The following PPP4R4 variants were observed in gnomAD, a reference collection of about 807,000 sequenced individuals.
PPP4R4 encodes protein phosphatase 4 regulatory subunit 4, also known as serine/threonine-protein phosphatase 4 regulatory subunit 4.
A neutral mutation model predicts 121.8 loss-of-function variants in PPP4R4; 70 were observed. That is an observed-to-expected ratio of 0.57 (90% CI 0.47 to 0.70). The LOEUF (loss-of-function observed/expected upper bound fraction) is 0.70, where lower values mean the gene tolerates loss of function less well. PPP4R4 is among the 30% of genes least tolerant of loss of function. The pLI, the probability that PPP4R4 is intolerant of heterozygous loss-of-function variation, is 0.00. For missense variants in PPP4R4, 875 were observed against 1,033.6 expected, an observed-to-expected ratio of 0.85 and a Z score of 2.10; for synonymous variants, 348 against 355.7, an observed-to-expected ratio of 0.98 and a Z score of 0.24.
At chr14:94,175,997 G>T in intron 1 of PPP4R4, 57 bp from the exon 2 acceptor site, 2 of 1,374,018 alleles carry the variant, frequency 1.5e-6, no homozygotes, top group South Asian at 1.2e-5. Flanking sequence ...TGGGAGGTTG[G>T]GGGGCAAGAC....
At chr14:94,202,990 A>AG (rs1890272328) in intron 2 of PPP4R4, among the ~76,000 whole-genome samples, 1 of 151,990 alleles carries the variant, frequency 6.6e-6, no homozygotes, top group Non-Finnish European at 1.5e-5. Flanking sequence ...TCAAAAAAAA[A>AG]AAAAATCTTT....
chr14:94,205,065 T>G (rs1307082214), intron 2 of PPP4R4, among the ~76,000 whole-genome samples: 7 of 152,226 alleles, frequency 4.6e-5, no homozygotes, highest in Admixed American at 1.3e-4. Context: ...CAGTTTTTCT[T>G]CATGAAGTGA....
intron 2 of PPP4R4, among the ~76,000 whole-genome samples, chr14:94,184,930 G>C (rs564600022): frequency 2.0e-5 from 3 of 152,098 alleles, no homozygotes; most frequent in Non-Finnish European, 4.4e-5. Context: ...ATATATCTGA[G>C]TACTTATGTG....
intron 23 of PPP4R4, among the ~76,000 whole-genome samples, chr14:94,274,180 TA>T (rs1894507811): frequency 6.6e-6 from 1 of 152,150 alleles, no homozygotes; most frequent in African/African-American, 2.4e-5. Context: ...ATTATAAACC[TA>T]AGCATAAAAG....
intron 3 of PPP4R4, chr14:94,227,640 G>T (rs1005710060): frequency 1.7e-6 from 2 of 1,152,802 alleles, no homozygotes; most frequent in Admixed American, 4.6e-5. Context: ...TATGAAGTTG[G>T]AGAGCTTCTC....
rs552422220 is a variant in PPP4R4 at position 94,217,615 on chromosome 14, TA to T, written c.294+9058del. On this transcript the variant is annotated intron_variant, in intron 3 of 24. Transcript: ENST00000304338. ...TTTAAAGTAACTGTGATTTATATGG[TA>T]AAAAAAAATCCACTGAAAAAACAAC... is the stretch of plus-strand genomic sequence containing the variant. Among the ~76,000 whole-genome samples, 652 of 151,536 alleles carry T rather than the reference TA, an allele frequency of 4.3e-3. 6 individuals carry two copies. The highest frequency in any genetic ancestry group is 0.013 in the African/African-American group (531 of 41,292).
At chr14:94,215,803 T>C (rs1287943249) in intron 3 of PPP4R4, among the ~76,000 whole-genome samples, 1 of 152,198 alleles carries the variant, frequency 6.6e-6, no homozygotes, top group East Asian at 1.9e-4. Flanking sequence ...GAATAATGTC[T>C]TTTATGCTTT....
chr14:94,243,063 CAGTG>C (rs1442543524), intron 11 of PPP4R4, among the ~76,000 whole-genome samples: 1 of 152,088 alleles, frequency 6.6e-6, no homozygotes, highest in African/African-American at 2.4e-5. Flanking sequence ...TTCTTATTCT[CAGTG>C]AGAATATTTC....
chr14:94,174,352 C>T lies in PPP4R4; in HGVS notation c.-114C>T. On this transcript the variant is annotated 5_prime_UTR_variant, in exon 1 of 25. Coordinates refer to ENST00000304338, the MANE Select transcript of PPP4R4 (RefSeq NM_058237.2). ...TCCCGCCGCCTGGCAGCCTCACGCTCGGCTCCAGCGGCCAAGAGCCGGAGA... is the reference window on the plus strand; with the variant it reads ...TCCCGCCGCCTGGCAGCCTCACGCTTGGCTCCAGCGGCCAAGAGCCGGAGA... 2 of 977,636 alleles carry T rather than the reference C, an allele frequency of 2.0e-6. 1 individual carries two copies. The allele number at this position is 977,636 out of a possible 1,614,324, so 60.6% of individuals were successfully genotyped here.
intron 24 of PPP4R4, among the ~76,000 whole-genome samples, chr14:94,276,619 C>T (rs1894655160): frequency 7.0e-6 from 1 of 142,970 alleles, no homozygotes; most frequent in African/African-American, 2.8e-5. Flanking sequence ...CTCACTGTCA[C>T]AAAGAAAACA....
intron 19 of PPP4R4, among the ~76,000 whole-genome samples, chr14:94,260,760 C>G (rs1054199878): frequency 6.6e-6 from 1 of 151,972 alleles, no homozygotes; most frequent in Non-Finnish European, 1.5e-5. Flanking sequence ...TTCTTGGAGT[C>G]TGAGGCTTAT....
At chr14:94,175,743 A>T (rs1888645130) in intron 1 of PPP4R4, 2 of 394,174 alleles carry the variant, frequency 5.1e-6, no homozygotes, top group Non-Finnish European at 9.4e-6. Context: ...TATTCGTTTT[A>T]TAACATGCGT....
At chr14:94,272,963 A>T (rs1164998439) in intron 23 of PPP4R4, among the ~76,000 whole-genome samples, 1 of 152,180 alleles carries the variant, frequency 6.6e-6, no homozygotes, top group East Asian at 1.9e-4. Context: ...ACCTATTAGA[A>T]TGGTCTAAAT....
intron 11 of PPP4R4, 46 bp from the exon 12 acceptor site, chr14:94,244,589 C>T: frequency 7.4e-7 from 1 of 1,356,052 alleles, no homozygotes; most frequent in Non-Finnish European, 9.8e-7. Flanking sequence ...TAACCTGTAT[C>T]TGTCTAGTAC....
chr14:94,207,562 G>T (rs1890524070), intron 2 of PPP4R4, among the ~76,000 whole-genome samples: 1 of 151,930 alleles, frequency 6.6e-6, no homozygotes, highest in South Asian at 2.1e-4. Context: ...GAAGAGATAA[G>T]TAAAAATAAT....
intron 14 of PPP4R4, among the ~76,000 whole-genome samples, chr14:94,248,442 A>G (rs563889541): frequency 3.9e-5 from 6 of 152,330 alleles, no homozygotes; most frequent in African/African-American, 7.2e-5. Flanking sequence ...TTCCTTACTC[A>G]TGGATTAGAA....
intron 4 of PPP4R4, 113 bp from the exon 5 acceptor site, chr14:94,231,129 A>G: frequency 2.5e-6 from 2 of 796,458 alleles, no homozygotes; most frequent in Non-Finnish European, 3.9e-6. Context: ...AATAGTAATG[A>G]AAATAATTAT....
chr14:94,262,019 T>A (rs1893813682), intron 19 of PPP4R4, among the ~76,000 whole-genome samples: 5 of 151,998 alleles, frequency 3.3e-5, no homozygotes, highest in Admixed American at 2.6e-4. Flanking sequence ...TTTTGTCATT[T>A]TTGGGATTAG....
chr14:94,225,030 A>G (rs1254072957), intron 3 of PPP4R4, among the ~76,000 whole-genome samples: 2 of 152,044 alleles, frequency 1.3e-5, no homozygotes, highest in African/African-American at 2.4e-5. Context: ...GGAGATGGTG[A>G]ACAGGGTATG....
Sources: allele counts gnomAD v4.1 joint callset (sites outside exome capture counted in the v4.1 genomes callset), GRCh38; gene constraint gnomAD v4.1.1; transcripts MANE v1.5; gene names NCBI Gene and HGNC (gene_info 2026-07-23, HGNC 2026-07-21).